HNRNPK: variants seen among roughly 807,000 people sequenced by gnomAD.
HNRNPK encodes the protein dC-stretch binding protein.
In HNRNPK, 7 loss-of-function variants were observed where a neutral mutation model predicts 67.0. The ratio of observed to expected loss-of-function variants is 0.10; its 90% CI spans 0.06 to 0.20. HNRNPK has a LOEUF of 0.20. HNRNPK is among the 10% of genes least tolerant of loss of function. The pLI is 1.00. For missense variants in HNRNPK, 264 were observed against 606.5 expected (o/e 0.44, Z 5.93); for synonymous variants, 213 against 193.7 (o/e 1.10, Z -0.83).
chr9:83,971,394 T>C, intron 12 of HNRNPK, 38 bp from the exon 13 acceptor site: 1 of 1,376,524 alleles, frequency 7.3e-7, no homozygotes, highest in Non-Finnish European at 1.0e-6. Context: ...ACCCGCATTG[T>C]ATTTTGTTAT....
intron 1 of HNRNPK, among the ~76,000 whole-genome samples, 156 bp downstream of exon 1, chr9:83,979,997 G>A (rs1222813475): frequency 1.3e-5 from 2 of 152,292 alleles, no homozygotes; most frequent in Admixed American, 6.5e-5. Flanking sequence ...TACACGCTCA[G>A]GGAAATGGCG....
intron 5 of HNRNPK, 52 bp from the exon 6 acceptor site, chr9:83,975,557 A>G: frequency 6.9e-7 from 1 of 1,444,604 alleles, no homozygotes; most frequent in Non-Finnish European, 9.8e-7. Flanking sequence ...TGGGCATTCA[A>G]TCAGAAGTTG....
intron 5 of HNRNPK, chr9:83,975,733 A>AG: frequency 1.7e-6 from 1 of 596,610 alleles, no homozygotes; most frequent in Non-Finnish European, 3.0e-6. Context: ...AAACAAGGAG[A>AG]GGGAAAAGGG....
chr9:83,977,491 G>A (rs566451282), intron 4 of HNRNPK, among the ~76,000 whole-genome samples, 198 bp downstream of exon 4: 4 of 152,084 alleles, frequency 2.6e-5, no homozygotes, highest in Non-Finnish European at 4.4e-5. Context: ...CTGTAGTGGC[G>A]GTTCACTACA....
intron 3 of HNRNPK, 120 bp downstream of exon 3, chr9:83,978,075 A>T: frequency 4.4e-6 from 3 of 680,236 alleles, no homozygotes. Context: ...TGATAATCGC[A>T]GAATTACATA....
chr9:83,972,345 A>T, intron 10 of HNRNPK, 156 bp from the exon 11 acceptor site: 2 of 606,114 alleles, frequency 3.3e-6, no homozygotes, highest in South Asian at 4.9e-5. Flanking sequence ...TAAAAGTAGC[A>T]AAGTAAAGAT....
At chr9:83,980,458 C>T (rs1040164074), upstream of HNRNPK, 5 of 152,780 alleles carry the variant, frequency 3.3e-5, no homozygotes, top group Non-Finnish European at 7.3e-5. Context: ...GAGCCCCAAC[C>T]CTTACCCGAA....
chr9:83,975,645 C>T (rs932727549), intron 5 of HNRNPK, 140 bp from the exon 6 acceptor site: 3 of 750,626 alleles, frequency 4.0e-6, no homozygotes, highest in Admixed American at 1.9e-5. Context: ...CGTTCAGGGG[C>T]GGATGGGCCA....
chr9:83,975,775 C>G, intron 5 of HNRNPK: 1 of 531,418 alleles, frequency 1.9e-6, no homozygotes, highest in Non-Finnish European at 3.4e-6. Flanking sequence ...TTAATACAAA[C>G]TATACTCATA....
chr9:83,971,787 A>G (rs1484511914), intron 11 of HNRNPK, 61 bp from the exon 12 acceptor site: 1 of 1,597,678 alleles, frequency 6.3e-7, no homozygotes, highest in Admixed American at 1.7e-5. Flanking sequence ...ATCAAATCAA[A>G]GTCTACCTTG....
At chr9:83,979,423 GCCGTTCA>G (rs1178385966) in intron 1 of HNRNPK, among the ~76,000 whole-genome samples, 1 of 152,242 alleles carries the variant, frequency 6.6e-6, no homozygotes, top group African/African-American at 2.4e-5. Context: ...GTTGCCGCTT[GCCGTTCA>G]CCCTTCGGGT....
intron 14 of HNRNPK, 37 bp downstream of exon 14, chr9:83,970,860 G>GA (rs1564059449): frequency 1.2e-6 from 2 of 1,609,770 alleles, no homozygotes; most frequent in Non-Finnish European, 1.7e-6. Context: ...TAAAAAGTAT[G>GA]AAATTAATGT....
chr9:83,972,450 C>CGTG (rs1285102489), intron 10 of HNRNPK, among the ~76,000 whole-genome samples: 2 of 152,188 alleles, frequency 1.3e-5, no homozygotes, highest in Non-Finnish European at 2.9e-5. Context: ...ACACTTAGAT[C>CGTG]GTAAGAAACC....
intron 16 of HNRNPK, chr9:83,969,646 G>A (rs775809030): frequency 1.8e-5 from 11 of 616,030 alleles, no homozygotes; most frequent in Non-Finnish European, 2.6e-5. Context: ...TAGTAGAACA[G>A]AATTAAGAAA....
chr9:83,968,226 T>C lies in HNRNPK; in HGVS notation c.*1181A>G, dbSNP rs772587185. The C allele has an allele frequency of 2.0e-5, 3 of 152,392 alleles. No individual in the cohort carries two copies. Among genetic ancestry groups the C allele is most frequent in the Non-Finnish European group, 2.9e-5 (2 of 67,996 alleles). The allele number at this position is 152,392 out of a possible 1,614,324, so 9.4% of individuals were successfully genotyped here. ...TTTGGAAGTGAATTTTAACTATCAA[T>C]ACAAATGCCAAGATACTACACAAAA... On this transcript the variant is annotated 3_prime_UTR_variant, in exon 17 of 17. Coordinates refer to ENST00000376263, the MANE Select transcript of HNRNPK (RefSeq NM_031263.4).
intron 13 of HNRNPK, 156 bp downstream of exon 13, chr9:83,971,117 A>C: frequency 1.3e-6 from 1 of 749,164 alleles, no homozygotes; most frequent in Non-Finnish European, 2.3e-6. Context: ...TCACTATTCA[A>C]GTATTTTAAT....
rs1957138464 is a variant in HNRNPK, at chr9:83,977,799, A to G, written c.59-13T>C. On this transcript the variant is annotated splice_polypyrimidine_tract_variant and intron_variant, in intron 3 of 16. Transcript: ENST00000376263. ...GCAGGGCGTTTACCTAAAAATTAAC[A>G]GTTCACATTTCAAAGAAAGCAGCGA... 1 of 1,510,214 alleles carries G rather than the reference A, an allele frequency of 6.6e-7. No individual in the cohort carries two copies. The highest frequency in any genetic ancestry group is 9.2e-7 in the Non-Finnish European group (1 of 1,090,580). 93.6% of individuals were successfully genotyped at this position (1,510,214 alleles called of 1,614,324 possible).
chr9:83,974,420 C>T (rs1426248385), intron 7 of HNRNPK, 97 bp downstream of exon 7: 2 of 597,698 alleles, frequency 3.3e-6, no homozygotes, highest in African/African-American at 1.9e-5. Context: ...CTGTCATATC[C>T]ATTGTCTCTC....
chr9:83,976,611 A>G (rs1299309798), intron 5 of HNRNPK: 2 of 159,734 alleles, frequency 1.3e-5, no homozygotes, highest in Admixed American at 1.3e-4. Flanking sequence ...AAACAAAAAA[A>G]TTTTTCTGGA....
Sources: gnomAD v4.1 joint callset for allele counts (sites outside exome capture counted in the v4.1 genomes callset) on GRCh38, gnomAD v4.1.1 for gene constraint, MANE v1.5 for transcripts, NCBI Gene and HGNC (gene_info 2026-07-23, HGNC 2026-07-21) for gene names.